The following ARMC9 variants were observed in gnomAD, a reference collection of about 807,000 sequenced individuals.
The protein encoded by ARMC9 is lisH domain-containing protein ARMC9.
A neutral mutation model predicts 107.0 loss-of-function variants in ARMC9; 94 were observed. The ratio of observed to expected loss-of-function variants is 0.88; its 90% CI spans 0.74 to 1.04. The LOEUF is 1.04. Ranked by LOEUF, ARMC9 falls within the 50% of genes least tolerant of loss-of-function variation. The pLI, the probability that ARMC9 is intolerant of heterozygous loss-of-function variation, is 0.00. For synonymous variants in ARMC9, 380 were observed against 396.9 expected (o/e 0.96, Z 0.51); for missense variants, 942 against 1,030.1 (o/e 0.91, Z 1.17).
At chr2:231,279,184 T>C (rs910166890) in intron 16 of ARMC9, among the ~76,000 whole-genome samples, 3 of 152,234 alleles carry the variant, frequency 2.0e-5, no homozygotes, top group Non-Finnish European at 4.4e-5. Flanking sequence ...CCAGAATGGC[T>C]ATACTAGCGT....
intron 8 of ARMC9, 93 bp downstream of exon 8, chr2:231,235,474 T>C: frequency 7.1e-6 from 10 of 1,413,898 alleles, no homozygotes; most frequent in Non-Finnish European, 9.5e-6. Context: ...GGAGCCTGCC[T>C]CTCTCCATTC....
At chr2:231,233,032 G>A (rs2035383166) in intron 7 of ARMC9, among the ~76,000 whole-genome samples, 4 of 151,660 alleles carry the variant, frequency 2.6e-5, no homozygotes. Context: ...TGTATTTTTA[G>A]TAGAGACGGG....
intron 7 of ARMC9, among the ~76,000 whole-genome samples, chr2:231,227,948 G>A (rs1254782804): frequency 6.6e-6 from 1 of 152,176 alleles, no homozygotes; most frequent in Admixed American, 6.5e-5. Context: ...CGGCCCCATG[G>A]GATCAACCTG....
At chr2:231,229,189 A>G (rs1348177408) in intron 7 of ARMC9, among the ~76,000 whole-genome samples, 1 of 152,000 alleles carries the variant, frequency 6.6e-6, no homozygotes, top group Non-Finnish European at 1.5e-5. Context: ...GAGATTGGAG[A>G]TTCGCATTTT....
At chr2:231,258,096 C>T (rs1190214899) in intron 10 of ARMC9, among the ~76,000 whole-genome samples, 1 of 152,150 alleles carries the variant, frequency 6.6e-6, no homozygotes, top group Non-Finnish European at 1.5e-5. Context: ...TCCTACAACC[C>T]ATCTCCTGCC....
chr2:231,269,061 ACT>A (rs1412544168), intron 12 of ARMC9, among the ~76,000 whole-genome samples: 1 of 152,002 alleles, frequency 6.6e-6, no homozygotes, highest in African/African-American at 2.4e-5. Flanking sequence ...TGAGAGCTTG[ACT>A]CAAAAAATTT....
At chr2:231,337,567 T>G (rs1233019206) in intron 20 of ARMC9, among the ~76,000 whole-genome samples, 2 of 143,684 alleles carry the variant, frequency 1.4e-5, no homozygotes, top group African/African-American at 5.4e-5. Context: ...CCTCCCGGGT[T>G]CACGCCATTC....
intron 19 of ARMC9, among the ~76,000 whole-genome samples, chr2:231,305,239 A>G (rs2041977442): frequency 6.6e-6 from 1 of 152,226 alleles, no homozygotes; most frequent in Non-Finnish European, 1.5e-5. Context: ...AGTGACTGCT[A>G]CTAGAGTTTG....
chr2:231,281,269 T>C (rs184208766), intron 16 of ARMC9, among the ~76,000 whole-genome samples: 229 of 152,026 alleles, frequency 1.5e-3, no homozygotes, highest in Admixed American at 3.3e-3. Context: ...CCAGGAGACA[T>C]GTCTGGGCTT....
intron 19 of ARMC9, among the ~76,000 whole-genome samples, chr2:231,328,791 C>T (rs13403951): frequency 0.28 from 37,709 of 134,108 alleles, 5,838 homozygotes; most frequent in Middle Eastern, 0.34. Context: ...GTTGTCTTAG[C>T]GTGTTCAATT....
In ARMC9 at chr2:231,373,873, G is replaced by A. The variant is rs1225380266; in HGVS notation, c.*2338G>A. ...GCCAAGATCACGCCCCTGCACTCCA[G>A]CCTGGGCGACAGAGACTCCGTCAAA... On this transcript the variant is annotated 3_prime_UTR_variant, in exon 25 of 25. Transcript: ENST00000611582. The surrounding 1 kb of genome is among the most constrained non-coding windows in gnomAD (Gnocchi z 4.4). 1 of 148,232 alleles carries A rather than the reference G, an allele frequency of 6.7e-6. No individual in the cohort carries two copies. The highest frequency in any genetic ancestry group is 1.5e-5 in the Non-Finnish European group (1 of 67,586). 9.2% of individuals were successfully genotyped at this position (148,232 alleles called of 1,614,324 possible). A position where few individuals can be genotyped will look rare whatever the true frequency, so the allele number is the denominator to read the frequency against.
intron 21 of ARMC9, among the ~76,000 whole-genome samples, chr2:231,351,159 G>C (rs957107386): frequency 6.8e-6 from 1 of 147,674 alleles, no homozygotes; most frequent in African/African-American, 2.5e-5. Context: ...GGGTTTCACT[G>C]TGTTAGGATG....
At chr2:231,269,896 C>T (rs1357166445) in intron 12 of ARMC9, among the ~76,000 whole-genome samples, 1 of 123,808 alleles carries the variant, frequency 8.1e-6, no homozygotes, top group Admixed American at 8.8e-5. Context: ...TTGTTTTGGC[C>T]TCCTGGTAGA....
chr2:231,331,645 C>T (rs1375963044), intron 19 of ARMC9, 148 bp from the exon 20 acceptor site: 1 of 648,694 alleles, frequency 1.5e-6, no homozygotes, highest in East Asian at 2.9e-5. Context: ...GGCAGACTGC[C>T]CCTGAGCCCC....
At chr2:231,316,559 G>A (rs2042691782) in intron 19 of ARMC9, among the ~76,000 whole-genome samples, 1 of 151,232 alleles carries the variant, frequency 6.6e-6, no homozygotes, top group Non-Finnish European at 1.5e-5. Context: ...TGAGGTGGGA[G>A]AATCGCTTGA....
At chr2:231,221,235 G>A (rs560409922) in intron 5 of ARMC9, among the ~76,000 whole-genome samples, 8 of 152,136 alleles carry the variant, frequency 5.3e-5, no homozygotes, top group Non-Finnish European at 1.2e-4. Context: ...TCCAGTCTCT[G>A]TCTCCATTGT....
At chr2:231,367,978 C>CAAA (rs1180498778) in intron 23 of ARMC9, among the ~76,000 whole-genome samples, 2 of 95,762 alleles carry the variant, frequency 2.1e-5, no homozygotes, top group African/African-American at 7.8e-5. Context: ...AACTCCATTT[C>CAAA]AAAAAAAAAA....
At position 231,258,905 on chromosome 2, in the gene ARMC9, T is replaced by C. The variant is rs146367682; in HGVS notation, c.915-86T>C. 142 of 1,243,692 alleles carry C rather than the reference T, an allele frequency of 1.1e-4. No homozygotes were observed. The African/African-American group carries it at 1.7e-3, about 15-fold the overall frequency. 77.0% of individuals were successfully genotyped at this position (1,243,692 alleles called of 1,614,324 possible). A position where few individuals can be genotyped will look rare whatever the true frequency, so the allele number is the denominator to read the frequency against. On this transcript the variant is annotated intron_variant, in intron 10 of 24. Transcript: ENST00000611582. ...GGGAGCCCATGGGAACAGCAGGCTCTAGCTTGGGTGTCATAATGCTCAGGA... is the reference window on the plus strand; with the variant it reads ...GGGAGCCCATGGGAACAGCAGGCTCCAGCTTGGGTGTCATAATGCTCAGGA...
chr2:231,240,766 T>C (rs1460798651), intron 9 of ARMC9, among the ~76,000 whole-genome samples: 14 of 152,224 alleles, frequency 9.2e-5, no homozygotes, highest in Admixed American at 9.2e-4. Flanking sequence ...TTTCCCGTCC[T>C]CTGGTCATCT....
Sources: allele counts gnomAD v4.1 joint callset (sites outside exome capture counted in the v4.1 genomes callset), GRCh38; gene constraint gnomAD v4.1.1; non-coding constraint Gnocchi (gnomAD v3.1); transcripts MANE v1.5; gene names NCBI Gene and HGNC (gene_info 2026-07-23, HGNC 2026-07-21).